Variants in CCDC50 observed in about 807,000 individuals in gnomAD.
CCDC50 encodes the protein coiled-coil domain containing 50.
A neutral mutation model predicts 70.2 loss-of-function variants in CCDC50; 54 were observed. That is an observed-to-expected ratio of 0.77 (90% confidence interval 0.62 to 0.96). The LOEUF is 0.96. CCDC50 is among the 50% of genes least tolerant of loss of function. CCDC50 has a pLI of 0.00. For missense variants in CCDC50, 558 were observed against 578.7 expected (o/e 0.96, Z 0.37); for synonymous variants, 216 against 198.8 (o/e 1.09, Z -0.73).
intron 9 of CCDC50, among the ~76,000 whole-genome samples, chr3:191,381,223 A>T (rs1410240804): frequency 2.6e-5 from 4 of 152,170 alleles, no homozygotes; most frequent in African/African-American, 4.8e-5. Flanking sequence ...CATATACAGT[A>T]CTTTGATTAT....
chr3:191,344,661 C>G (rs1375998516), intron 1 of CCDC50, among the ~76,000 whole-genome samples: 2 of 152,198 alleles, frequency 1.3e-5, no homozygotes, highest in Non-Finnish European at 2.9e-5. Context: ...TCACTGCAAC[C>G]TCTGCCTCCT....
rs759694223 is a variant in CCDC50, at chr3:191,375,175, C to CT, written c.563dup (p.Glu189GlyfsTer20). 1.6e-5 allele frequency: 26 copies of CT among 1,613,772 alleles called. No homozygotes were observed. The South Asian group carries it at 2.4e-4, about 15-fold the overall frequency. Reference sequence around the variant, plus strand: ...CAAGAAAGAGAAACCAGAACATCCACTGGAGAACTTGGAAGAGCCAGAACA... The same window carrying CT: ...CAAGAAAGAGAAACCAGAACATCCACTTGGAGAACTTGGAAGAGCCAGAACA... On this transcript the variant is annotated frameshift_variant, in exon 6 of 12. Transcript: ENST00000392455. LOFTEE classifies it high-confidence loss of function.
rs529397983 is a variant in CCDC50 at position 191,340,590 on chromosome 3, A to G, written c.49+10867A>G. ...TGATTCTTCTGTCTCAGTAAACTATAATTACATAATCTTCACATAGAATTC... is the reference window on the plus strand; with the variant it reads ...TGATTCTTCTGTCTCAGTAAACTATGATTACATAATCTTCACATAGAATTC... On this transcript the variant is annotated intron_variant, in intron 1 of 11. Coordinates refer to ENST00000392455, the MANE Select transcript of CCDC50 (RefSeq NM_178335.3). 3.3e-5 allele frequency among the ~76,000 whole-genome samples: 5 copies of G among 152,324 alleles called. No individual in the cohort carries two copies. In the East Asian group the frequency reaches 9.6e-4, roughly 29 times the overall value.
chr3:191,330,240 T>A (rs1717923342), intron 1 of CCDC50, among the ~76,000 whole-genome samples: 1 of 152,052 alleles, frequency 6.6e-6, no homozygotes, highest in African/African-American at 2.4e-5. Context: ...AAAAGTTTAG[T>A]CTTGGCTGTG....
At chr3:191,374,137 T>A (rs1271234603) in intron 5 of CCDC50, among the ~76,000 whole-genome samples, 4 of 152,152 alleles carry the variant, frequency 2.6e-5, no homozygotes, top group Non-Finnish European at 1.5e-5. Context: ...CAGTATATTC[T>A]TATAAAGTGC....
chr3:191,376,430 G>T (rs990278042), intron 6 of CCDC50, among the ~76,000 whole-genome samples: 2 of 152,116 alleles, frequency 1.3e-5, no homozygotes, highest in Middle Eastern at 3.4e-3. Context: ...CATCATTGAC[G>T]CAGTAATGGC....
intron 4 of CCDC50, among the ~76,000 whole-genome samples, chr3:191,366,774 A>G (rs998902110): frequency 2.0e-5 from 3 of 151,854 alleles, no homozygotes; most frequent in African/African-American, 7.3e-5. Flanking sequence ...TTTTTGGATA[A>G]AGTTTTGAGG....
chr3:191,349,499 T>C (rs554518948), intron 1 of CCDC50, among the ~76,000 whole-genome samples: 1 of 141,532 alleles, frequency 7.1e-6, no homozygotes, highest in East Asian at 1.9e-4. Context: ...AGATTTCCCT[T>C]AGAATTTTTC....
At chr3:191,330,113 T>A (rs1389295772) in intron 1 of CCDC50, among the ~76,000 whole-genome samples, 1 of 152,162 alleles carries the variant, frequency 6.6e-6, no homozygotes, top group Non-Finnish European at 1.5e-5. Context: ...GGAGAGGGGT[T>A]GACATTCAGT....
chr3:191,390,177 G>T (rs1713638176), intron 11 of CCDC50, among the ~76,000 whole-genome samples: 1 of 152,030 alleles, frequency 6.6e-6, no homozygotes, highest in South Asian at 2.1e-4. Flanking sequence ...AAAGGTGGTG[G>T]TGACCTCCAT....
rs1221808377 is a variant in CCDC50, at chr3:191,364,276, C to CT, written c.330+3118dup. On this transcript the variant is annotated intron_variant, in intron 4 of 11. Coordinates refer to ENST00000392455, the MANE Select transcript of CCDC50 (RefSeq NM_178335.3). The stretch of plus-strand genomic sequence containing the variant: ...TAGAGACAGGGTTTCGTCATGTTGG[C>CT]TAGGATGGTATTGATCTCCTGACCT... 2.0e-5 allele frequency among the ~76,000 whole-genome samples: 3 copies of CT among 152,098 alleles called. No homozygotes were observed. The East Asian group carries it at 5.8e-4, about 29-fold the overall frequency.
chr3:191,352,964 ATTTT>A (rs113348873), intron 1 of CCDC50, among the ~76,000 whole-genome samples: 1 of 133,550 alleles, frequency 7.5e-6, no homozygotes, highest in African/African-American at 2.6e-5. Context: ...ATCCAGCTTT[ATTTT>A]TTTTTTTTTA....
chr3:191,339,396 T>TA (rs1180992618), intron 1 of CCDC50, among the ~76,000 whole-genome samples: 1 of 152,162 alleles, frequency 6.6e-6, no homozygotes, highest in African/African-American at 2.4e-5. Context: ...TGACTCTATA[T>TA]AAAAAAAGTG....
At chr3:191,371,110 T>G (rs927087314) in intron 5 of CCDC50, among the ~76,000 whole-genome samples, 1 of 152,184 alleles carries the variant, frequency 6.6e-6, no homozygotes, top group Non-Finnish European at 1.5e-5. Context: ...AGCCTGCTGA[T>G]GACAAACAAT....
chr3:191,356,124 C>CT lies in CCDC50; in HGVS notation c.50-957dup, dbSNP rs373748452. Among the ~76,000 whole-genome samples the CT allele has an allele frequency of 5.9e-5, 9 of 152,238 alleles. 1 individual carries two copies. The South Asian group carries it at 6.2e-4, about 11-fold the overall frequency. On this transcript the variant is annotated intron_variant, in intron 1 of 11. Transcript: ENST00000392455. ...GTAATCTGAGGCTTTGGGGAATTTCCTTTTTTTAACATGAATTACATGCTT... is the reference window on the plus strand; with the variant it reads ...GTAATCTGAGGCTTTGGGGAATTTCCTTTTTTTTAACATGAATTACATGCTT...
chr3:191,358,968 T>C (rs772405086), intron 3 of CCDC50, among the ~76,000 whole-genome samples: 1 of 152,206 alleles, frequency 6.6e-6, no homozygotes, highest in Non-Finnish European at 1.5e-5. Context: ...AGAGAGGACT[T>C]TATTAATCAT....
intron 4 of CCDC50, among the ~76,000 whole-genome samples, chr3:191,364,434 T>C (rs1712609207): frequency 6.6e-6 from 1 of 151,786 alleles, no homozygotes; most frequent in South Asian, 2.1e-4. Context: ...ACTTGGTTAA[T>C]AAGGACTTAG....
chr3:191,378,117 G>GC (rs1276435549), intron 6 of CCDC50, among the ~76,000 whole-genome samples: 1 of 152,054 alleles, frequency 6.6e-6, no homozygotes, highest in Non-Finnish European at 1.5e-5. Flanking sequence ...AGTATTCCAG[G>GC]CTGTGGAGAT....
Position 191,395,679 on chromosome 3 carries a change from G to A in CCDC50, c.*3919G>A, listed in dbSNP as rs1330898175. On this transcript the variant is annotated 3_prime_UTR_variant, in exon 12 of 12. Coordinates refer to ENST00000392455, the MANE Select transcript of CCDC50 (RefSeq NM_178335.3). ...ACGGTATTTGTGTAAGGAGTGCTAA[G>A]GTAGACTTCATTGTACATAGAGTGC... is the stretch of plus-strand genomic sequence containing the variant. 8 of 152,246 alleles carry A rather than the reference G, an allele frequency of 5.3e-5. No homozygotes were observed. The highest frequency in any genetic ancestry group is 3.4e-3 in the Middle Eastern group (1 of 294). The allele number at this position is 152,246 out of a possible 1,614,324, so 9.4% of individuals were successfully genotyped here. A position where few individuals can be genotyped will look rare whatever the true frequency, so the allele number is the denominator to read the frequency against.
Sources: gnomAD v4.1 joint callset for allele counts (sites outside exome capture counted in the v4.1 genomes callset) on GRCh38, gnomAD v4.1.1 for gene constraint, MANE v1.5 for transcripts, NCBI Gene and HGNC (gene_info 2026-07-23, HGNC 2026-07-21) for gene names.